The following NR5A2 variants were observed in gnomAD, a reference collection of about 807,000 sequenced individuals.
NR5A2 encodes the protein nuclear receptor subfamily 5 group A member 2.
NR5A2 carries 26 observed loss-of-function variants against 62.7 expected under a neutral mutation model. That is an observed-to-expected ratio of 0.41 (90% confidence interval 0.30 to 0.58). NR5A2 has a LOEUF of 0.58. Among genes scored for constraint, NR5A2 ranks in the 20% least tolerant of loss-of-function variants. The probability of loss-of-function intolerance (pLI) is 0.22; values close to 1 mark genes in which losing one functional copy is unlikely to be tolerated. For synonymous variants in NR5A2, 246 were observed against 241.7 expected, an observed-to-expected ratio of 1.02 and a Z score of -0.16; for missense variants, 541 against 669.1, an observed-to-expected ratio of 0.81 and a Z score of 2.11.
chr1:200,145,555 A>G (rs1010997971), intron 7 of NR5A2, among the ~76,000 whole-genome samples: 1 of 152,020 alleles, frequency 6.6e-6, no homozygotes, highest in Non-Finnish European at 1.5e-5. Context: ...GAGAATCCAC[A>G]TAAAATATGA....
chr1:200,100,981 C>A (rs1665338963), intron 5 of NR5A2, among the ~76,000 whole-genome samples: 1 of 152,158 alleles, frequency 6.6e-6, no homozygotes, highest in Non-Finnish European at 1.5e-5. Context: ...TATTTTCCTG[C>A]CTTTATTTCC....
Position 200,039,765 on chromosome 1 carries a change from G to A in NR5A2, c.172G>A (p.Glu58Lys), listed in dbSNP as rs755108930. Reference protein sequence around the residue: ...EALGLARSHGEQGQMPENMQV... With the variant: ...EALGLARSHGKQGQMPENMQV... Reference sequence around the variant, plus strand: ...CCTGGGACTGGCTCGATCGCATGGGGAACAGGGCCAGATGCCGGAAAACAT... The same window carrying A: ...CCTGGGACTGGCTCGATCGCATGGGAAACAGGGCCAGATGCCGGAAAACAT... Residue 58 changes from glutamate (E) to lysine (K), a missense_variant, in exon 2 of 8, where the codon GAA (glutamate) becomes AAA (lysine). By Grantham distance (56) the Glu-to-Lys change is moderately conservative. Coordinates refer to ENST00000367362, the MANE Select transcript of NR5A2 (RefSeq NM_205860.3). The surrounding 1 kb of genome is among the most constrained non-coding windows in gnomAD (Gnocchi z 5.1). 1.1e-4 allele frequency: 185 copies of A among 1,609,334 alleles called. No homozygotes were observed. Among genetic ancestry groups the A allele is most frequent in the Non-Finnish European group, 1.6e-4 (184 of 1,178,076 alleles).
chr1:200,090,655 CAGTA>C (rs1462159546), intron 5 of NR5A2, among the ~76,000 whole-genome samples: 1 of 152,176 alleles, frequency 6.6e-6, no homozygotes, highest in African/African-American at 2.4e-5. Flanking sequence ...ATTTTCAAAT[CAGTA>C]AGTAAGATCA....
chr1:200,152,254 C>CA (rs1398284817), intron 7 of NR5A2, among the ~76,000 whole-genome samples: 2 of 152,158 alleles, frequency 1.3e-5, no homozygotes, highest in Non-Finnish European at 2.9e-5. Flanking sequence ...ATGTACAAAT[C>CA]ATAAATCCCA....
intron 5 of NR5A2, among the ~76,000 whole-genome samples, chr1:200,098,247 T>G (rs767439515): frequency 6.6e-6 from 1 of 152,158 alleles, no homozygotes; most frequent in Non-Finnish European, 1.5e-5. Flanking sequence ...CAGAATCACT[T>G]TCTCTTGTTT....
At chr1:200,034,625 T>G in intron 1 of NR5A2, among the ~76,000 whole-genome samples, 1 of 149,974 alleles carries the variant, frequency 6.7e-6, no homozygotes, top group East Asian at 2.0e-4. Context: ...GTAGGTTGGA[T>G]TACCCAGATA....
At chr1:200,131,027 C>A (rs960769371) in intron 7 of NR5A2, among the ~76,000 whole-genome samples, 4 of 152,164 alleles carry the variant, frequency 2.6e-5, no homozygotes, top group African/African-American at 9.7e-5. Flanking sequence ...CATACTAATG[C>A]CTTGCTGATA....
At position 200,147,906 on chromosome 1, in the gene NR5A2, G is replaced by A. The variant is rs572708174; in HGVS notation, c.1379-26057G>A. 2 of 399,776 alleles carry A rather than the reference G, an allele frequency of 5.0e-6. No individual in the cohort carries two copies. The highest frequency in any genetic ancestry group is 5.7e-5 in the South Asian group (2 of 35,256). 24.8% of individuals were successfully genotyped at this position (399,776 alleles called of 1,614,324 possible). A position where few individuals can be genotyped will look rare whatever the true frequency, so the allele number is the denominator to read the frequency against. ...GGTGGCCGGCGCGCGGGGAGAAGCT[G>A]CGGGCTGTGATGTGGTGCAGCGCTT... On this transcript the variant is annotated intron_variant, in intron 7 of 7. Transcript: ENST00000367362. The surrounding 1 kb of genome is among the most constrained non-coding windows in gnomAD (Gnocchi z 4.9).
chr1:200,087,241 AACACAC>A (rs34917175), intron 5 of NR5A2, among the ~76,000 whole-genome samples: 30 of 148,280 alleles, frequency 2.0e-4, no homozygotes, highest in Admixed American at 2.7e-4. Flanking sequence ...CTTCTTCACC[AACACAC>A]ACACACACAC....
intron 7 of NR5A2, among the ~76,000 whole-genome samples, chr1:200,156,795 C>T (rs1379499663): frequency 6.6e-6 from 1 of 152,194 alleles, no homozygotes; most frequent in African/African-American, 2.4e-5. Flanking sequence ...TTTTGTCCAA[C>T]TGTGGGCTAA....
At chr1:200,088,871 T>C (rs1266192667) in intron 5 of NR5A2, among the ~76,000 whole-genome samples, 1 of 152,198 alleles carries the variant, frequency 6.6e-6, no homozygotes, top group Non-Finnish European at 1.5e-5. Context: ...TTCTCAGCCC[T>C]CATCCTCTCT....
chr1:200,073,334 ATATATTCCCCTTTATATATATATG>A (rs774771639), intron 5 of NR5A2, among the ~76,000 whole-genome samples: 59,665 of 141,058 alleles, frequency 0.42, 15,570 homozygotes, highest in Middle Eastern at 0.46. Flanking sequence ...ATATATATAT[ATATATTCCCCTTTATATATATATG>A]CGCACACATA....
At position 200,048,736 on chromosome 1, in the gene NR5A2, G is replaced by A. The variant is rs756542971; in HGVS notation, c.1028G>A (p.Gly343Glu). The A allele has an allele frequency of 1.9e-5, 31 of 1,614,142 alleles. No individual in the cohort carries two copies. The highest frequency in any genetic ancestry group is 3.3e-5 in the Admixed American group (2 of 60,016). ...RSKHEKLSTF[G>E]LMCKMADQTL... ...AAGCACGAAAAGCTGAGCACCTTTG[G>A]GCTTATGTGCAAAATGGCAGATCAA... Residue 343 changes from glycine to glutamate, a missense_variant, in exon 5 of 8, where the codon GGG becomes GAG. Physicochemically the swap from Gly to Glu is moderately conservative, Grantham distance 98. Coordinates refer to ENST00000367362, the MANE Select transcript of NR5A2 (RefSeq NM_205860.3). This position sits in a 1 kb window ranked among gnomAD's most constrained non-coding sequence, Gnocchi z 4.8.
In NR5A2 at chr1:200,100,806, A is replaced by T. The variant is rs534222829; in HGVS notation, c.1111-10396A>T. The stretch of plus-strand genomic sequence containing the variant: ...TGCTCAGGAGTCCAGTAGTAGGAGA[A>T]GATGTTTTGCAAAAAAGTGCTTTGA... On this transcript the variant is annotated intron_variant, in intron 5 of 7. Transcript: ENST00000367362. Among the ~76,000 whole-genome samples, 3 of 152,340 alleles carry T rather than the reference A, an allele frequency of 2.0e-5. No individual in the cohort carries two copies. In the East Asian group the frequency reaches 5.8e-4, roughly 29 times the overall value.
Position 200,048,590 on chromosome 1 carries a change from G to A in NR5A2, c.882G>A (p.Gln294=), listed in dbSNP as rs1446300572. 2.5e-5 allele frequency: 41 copies of A among 1,614,176 alleles called. No individual in the cohort carries two copies. Among genetic ancestry groups the A allele is most frequent in the Non-Finnish European group, 3.4e-5 (40 of 1,180,034 alleles). Residue 294 remains glutamine, a synonymous_variant, in exon 5 of 8, where the codon CAG becomes CAA. Transcript: ENST00000367362. The surrounding 1 kb of genome is among the most constrained non-coding windows in gnomAD (Gnocchi z 4.8). ...IMGYSYMDSY[Q]TSSPASIPHL... is the part of the protein sequence containing the mutation. ...GCTATTCATATATGGATAGTTACCA[G>A]ACGAGCTCTCCAGCAAGCATCCCAC...
intron 5 of NR5A2, among the ~76,000 whole-genome samples, chr1:200,108,385 T>G (rs1482851145): frequency 6.6e-6 from 1 of 152,168 alleles, no homozygotes; most frequent in Non-Finnish European, 1.5e-5. Context: ...GCTGACATAC[T>G]TCTCTTAATT....
chr1:200,046,046 T>A lies in NR5A2; in HGVS notation c.463+462T>A, dbSNP rs188406895. 9.2e-5 allele frequency among the ~76,000 whole-genome samples: 14 copies of A among 152,326 alleles called. No homozygotes were observed. The East Asian group carries it at 2.5e-3, about 27-fold the overall frequency. ...AAGTGTTAACTACTAATTTCATGAT[T>A]CTTAAGAGTTAAAGCCTTTAATGGT... is the stretch of plus-strand genomic sequence containing the variant. On this transcript the variant is annotated intron_variant, in intron 4 of 7. Transcript: ENST00000367362.
chr1:200,092,089 CT>C (rs1479351076), intron 5 of NR5A2, among the ~76,000 whole-genome samples: 17 of 152,162 alleles, frequency 1.1e-4, no homozygotes, highest in African/African-American at 4.1e-4. Context: ...ACAGTTGTAT[CT>C]CTCTGAACTT....
intron 7 of NR5A2, among the ~76,000 whole-genome samples, chr1:200,122,009 A>G (rs1292820237): frequency 6.6e-6 from 1 of 152,222 alleles, no homozygotes; most frequent in Non-Finnish European, 1.5e-5. Context: ...TTAATTTTTC[A>G]TGTATAGTCA....
Sources: gnomAD v4.1 joint callset for allele counts (sites outside exome capture counted in the v4.1 genomes callset) on GRCh38, gnomAD v4.1.1 for gene constraint, Gnocchi (gnomAD v3.1) non-coding constraint, MANE v1.5 for transcripts, NCBI Gene and HGNC (gene_info 2026-07-23, HGNC 2026-07-21) for gene names.